AKAP13: variants seen among roughly 807,000 people sequenced by gnomAD.
AKAP13 encodes A-kinase anchor protein 13.
Under a neutral mutation model 264.5 loss-of-function variants are expected in AKAP13, and 80 were observed. The observed-to-expected ratio is 0.30, with a 90% CI of 0.25 to 0.36. AKAP13 has a LOEUF of 0.36. Ranked by LOEUF, AKAP13 falls within the 10% of genes least tolerant of loss-of-function variation. The probability of loss-of-function intolerance (pLI) is 1.00; values close to 1 mark genes in which losing one functional copy is unlikely to be tolerated. For synonymous variants in AKAP13, 1,380 were observed against 1,250.2 expected (o/e 1.10, Z -2.19); for missense variants, 3,712 against 3,435.2 (o/e 1.08, Z -2.01).
intron 8 of AKAP13, among the ~76,000 whole-genome samples, chr15:85,638,075 A>G (rs1057319908): frequency 2.6e-5 from 4 of 151,320 alleles, no homozygotes; most frequent in African/African-American, 9.7e-5. Flanking sequence ...TAGTAGAGAC[A>G]GGATTTCACC....
chr15:85,702,415 A>G (rs2085981322), intron 17 of AKAP13: 2 of 152,324 alleles, frequency 1.3e-5, no homozygotes, highest in African/African-American at 2.4e-5. Flanking sequence ...CTTGGCAGGA[A>G]GTAGAAAATA....
intron 8 of AKAP13, among the ~76,000 whole-genome samples, chr15:85,635,896 T>C (rs2082050189): frequency 6.6e-6 from 1 of 152,216 alleles, no homozygotes; most frequent in Non-Finnish European, 1.5e-5. Flanking sequence ...TGAAGGTCTG[T>C]TTGTGGATTC....
At chr15:85,716,014 T>C in intron 20 of AKAP13, 91 bp downstream of exon 20, 1 of 1,496,200 alleles carries the variant, frequency 6.7e-7, no homozygotes, top group Non-Finnish European at 8.9e-7. Context: ...TTTTTTTTTT[T>C]TTAAGAAATA....
At position 85,747,402 on chromosome 15, in the gene AKAP13, T is replaced by A. The variant is rs2089401845; in HGVS notation, c.*2725T>A. The A allele has an allele frequency of 6.6e-6, 1 of 152,266 alleles. No individual in the cohort carries two copies. The highest frequency in any genetic ancestry group is 2.4e-5 in the African/African-American group (1 of 41,392). The allele number at this position is 152,266 out of a possible 1,614,324, so 9.4% of individuals were successfully genotyped here. On this transcript the variant is annotated 3_prime_UTR_variant, in exon 37 of 37. Coordinates refer to ENST00000394518, the MANE Select transcript of AKAP13 (RefSeq NM_007200.5). ...ATGAGAAGGGGTTGTTTTTTTGGGG[T>A]GACTCGGACTGAATTCCCCATACTG...
chr15:85,491,304 A>T (rs920302649), intron 2 of AKAP13, among the ~76,000 whole-genome samples: 11 of 151,852 alleles, frequency 7.2e-5, no homozygotes, highest in African/African-American at 2.7e-4. Context: ...CCTCTTAGGG[A>T]TACTGGGATT....
intron 1 of AKAP13, among the ~76,000 whole-genome samples, chr15:85,423,599 C>G (rs1174181517): frequency 6.6e-6 from 1 of 152,184 alleles, no homozygotes; most frequent in African/African-American, 2.4e-5. Flanking sequence ...AAGTCTGGAA[C>G]CCCTCCAAGT....
intron 5 of AKAP13, among the ~76,000 whole-genome samples, chr15:85,562,432 G>A (rs928546450): frequency 6.6e-5 from 10 of 151,134 alleles, no homozygotes; most frequent in African/African-American, 2.4e-4. Context: ...GGGCGTGGTG[G>A]CAAGCGCCTG....
intron 1 of AKAP13, among the ~76,000 whole-genome samples, chr15:85,448,333 CAGTT>C (rs1031021379): frequency 9.9e-5 from 15 of 152,052 alleles, no homozygotes; most frequent in Non-Finnish European, 1.6e-4. Flanking sequence ...ACTCTGTTGA[CAGTT>C]TGTTTTGCTG....
intron 12 of AKAP13, among the ~76,000 whole-genome samples, chr15:85,661,132 G>T (rs917992097): frequency 3.9e-5 from 6 of 151,914 alleles, no homozygotes; most frequent in Non-Finnish European, 8.8e-5. Context: ...CAGGTAGCAG[G>T]GTATTTTTTT....
intron 1 of AKAP13, among the ~76,000 whole-genome samples, chr15:85,469,707 G>A (rs1311930527): frequency 6.6e-6 from 1 of 152,164 alleles, no homozygotes; most frequent in Non-Finnish European, 1.5e-5. Context: ...TTAGACCCCT[G>A]AACAGAGAAT....
chr15:85,727,009 C>T lies in AKAP13; in HGVS notation c.6823-57C>T. The T allele has an allele frequency of 1.9e-6, 3 of 1,590,346 alleles. No individual in the cohort carries two copies. In the South Asian group the frequency reaches 3.4e-5, roughly 18 times the overall value. ...GGTCTTACCTTAGATTGAAGCTGTC[C>T]TTCAGAGTTAGAATATTGTATATGT... On this transcript the variant is annotated intron_variant, in intron 27 of 36. Coordinates refer to ENST00000394518, the MANE Select transcript of AKAP13 (RefSeq NM_007200.5). This position sits in a 1 kb window ranked among gnomAD's most constrained non-coding sequence, Gnocchi z 5.3.
chr15:85,509,439 G>T (rs756426), intron 2 of AKAP13, among the ~76,000 whole-genome samples: 35,978 of 152,042 alleles, frequency 0.24, 4,514 homozygotes, highest in African/African-American at 0.33. Flanking sequence ...AATACTAAAG[G>T]ACCAACAGAA....
chr15:85,691,785 A>G, intron 16 of AKAP13: 1 of 465,788 alleles, frequency 2.1e-6, no homozygotes, highest in Admixed American at 2.3e-5. Flanking sequence ...CACAGGAAGC[A>G]CAAGATGAGT....
At chr15:85,391,885 A>G (rs1326319004) in intron 1 of AKAP13, among the ~76,000 whole-genome samples, 1 of 151,992 alleles carries the variant, frequency 6.6e-6, no homozygotes, top group Non-Finnish European at 1.5e-5. Context: ...CCCAGGTTCA[A>G]GCAATTCTCC....
chr15:85,622,133 T>C (rs1333533859), intron 8 of AKAP13, among the ~76,000 whole-genome samples: 1 of 152,162 alleles, frequency 6.6e-6, no homozygotes, highest in Non-Finnish European at 1.5e-5. Context: ...GGTTACAGTC[T>C]TTATCCCATT....
chr15:85,419,772 A>C (rs1485172048), intron 1 of AKAP13, among the ~76,000 whole-genome samples: 1 of 152,106 alleles, frequency 6.6e-6, no homozygotes, highest in African/African-American at 2.4e-5. Flanking sequence ...TATTCTGTTG[A>C]TAAATGTCAA....
At chr15:85,621,426 G>A (rs949824017) in intron 8 of AKAP13, 1 of 152,064 alleles carries the variant, frequency 6.6e-6, no homozygotes, top group Non-Finnish European at 1.5e-5. Context: ...GTGAGATCAC[G>A]GTGATGTTTT....
At chr15:85,476,279 G>C (rs1327121226) in intron 1 of AKAP13, among the ~76,000 whole-genome samples, 1 of 152,128 alleles carries the variant, frequency 6.6e-6, no homozygotes, top group African/African-American at 2.4e-5. Context: ...AGGGGTAGTG[G>C]GGGCATGGTG....
At chr15:85,401,270 C>G (rs181722279) in intron 1 of AKAP13, among the ~76,000 whole-genome samples, 124 of 150,464 alleles carry the variant, frequency 8.2e-4, no homozygotes, top group African/African-American at 2.9e-3. Context: ...GTCTTGAAAC[C>G]ACCCAGTTTT....
Sources: gnomAD v4.1 joint callset for allele counts (sites outside exome capture counted in the v4.1 genomes callset) on GRCh38, gnomAD v4.1.1 for gene constraint, Gnocchi (gnomAD v3.1) non-coding constraint, MANE v1.5 for transcripts, NCBI Gene and HGNC (gene_info 2026-07-23, HGNC 2026-07-21) for gene names.